Variants in THSD7B observed in about 807,000 individuals in gnomAD.
THSD7B encodes the protein thrombospondin type 1 domain containing 7B.
THSD7B carries 138 observed loss-of-function variants against 213.6 expected under a neutral mutation model. The ratio of observed to expected loss-of-function variants is 0.65; its 90% CI spans 0.56 to 0.74. The LOEUF (loss-of-function observed/expected upper bound fraction) is 0.74, where lower values mean the gene tolerates loss of function less well. Ranked by LOEUF, THSD7B falls within the 30% of genes least tolerant of loss-of-function variation. THSD7B has a pLI of 0.00. For missense variants in THSD7B, 1,931 were observed against 1,991.5 expected, an observed-to-expected ratio of 0.97 and a Z score of 0.58; for synonymous variants, 742 against 687.0, an observed-to-expected ratio of 1.08 and a Z score of -1.25.
At chr2:137,171,958 G>A (rs541815263) in intron 7 of THSD7B, among the ~76,000 whole-genome samples, 21 of 151,878 alleles carry the variant, frequency 1.4e-4, no homozygotes, top group South Asian at 4.2e-4. Context: ...ATAACAGATT[G>A]TATTAGCTAC....
intron 12 of THSD7B, among the ~76,000 whole-genome samples, chr2:137,342,594 C>A (rs1684785788): frequency 6.6e-6 from 1 of 151,570 alleles, no homozygotes; most frequent in Admixed American, 6.6e-5. Flanking sequence ...TGTTCTAAAT[C>A]TTGAGGTAAG....
intron 4 of THSD7B, among the ~76,000 whole-genome samples, chr2:137,106,022 C>A (rs1022777706): frequency 6.6e-6 from 1 of 152,158 alleles, no homozygotes; most frequent in Non-Finnish European, 1.5e-5. Context: ...CATTGACTTT[C>A]TTCACAGAAT....
chr2:136,930,416 T>TA (rs1684607173), intron 2 of THSD7B, among the ~76,000 whole-genome samples: 1 of 152,188 alleles, frequency 6.6e-6, no homozygotes, highest in African/African-American at 2.4e-5. Flanking sequence ...TAGTAGCAGA[T>TA]AAAGTTGGCT....
At chr2:137,641,331 T>G (rs1260941180) in intron 20 of THSD7B, among the ~76,000 whole-genome samples, 1 of 152,230 alleles carries the variant, frequency 6.6e-6, no homozygotes, top group Non-Finnish European at 1.5e-5. Context: ...GCACATCATG[T>G]CTGATTTACA....
chr2:136,889,880 C>T lies in THSD7B; in HGVS notation c.139+7563C>T, dbSNP rs117407337. 1.8e-4 allele frequency among the ~76,000 whole-genome samples: 27 copies of T among 152,154 alleles called. No homozygotes were observed. The East Asian group carries it at 4.7e-3, about 26-fold the overall frequency. ...TGTTTCTCTTCTTTGCCTTTATTGT[C>T]GTGTTTTCCAGAACTGCTAAACGCA... is the stretch of plus-strand genomic sequence containing the variant. On this transcript the variant is annotated intron_variant, in intron 2 of 27. Coordinates refer to ENST00000409968, the MANE Select transcript of THSD7B (RefSeq NM_001316349.2).
chr2:137,405,582 T>C, intron 12 of THSD7B, 31 bp from the exon 13 acceptor site: 1 of 1,558,254 alleles, frequency 6.4e-7, no homozygotes, highest in Non-Finnish European at 8.7e-7. Context: ...TTAATCAAAA[T>C]AATAACAAAA....
intron 7 of THSD7B, among the ~76,000 whole-genome samples, chr2:137,174,659 A>AGT (rs1277203671): frequency 6.6e-6 from 1 of 152,178 alleles, no homozygotes; most frequent in Admixed American, 6.5e-5. Flanking sequence ...ACATTATGTT[A>AGT]GTCAGTGATA....
intron 2 of THSD7B, among the ~76,000 whole-genome samples, chr2:136,893,794 G>A (rs1275844761): frequency 1.3e-5 from 2 of 152,106 alleles, no homozygotes; most frequent in Non-Finnish European, 2.9e-5. Context: ...GTAGATATTA[G>A]GGCCACAGAT....
chr2:137,260,826 T>G (rs1682426561), intron 10 of THSD7B, among the ~76,000 whole-genome samples: 1 of 152,174 alleles, frequency 6.6e-6, no homozygotes, highest in African/African-American at 2.4e-5. Flanking sequence ...GTTTCCTATA[T>G]TGTTGGAAGC....
At chr2:137,369,971 C>G (rs1212329228) in intron 12 of THSD7B, among the ~76,000 whole-genome samples, 3 of 35,044 alleles carry the variant, frequency 8.6e-5, no homozygotes, top group African/African-American at 1.4e-4. Flanking sequence ...GTTATTTTCA[C>G]AAAATTGGAA....
chr2:137,415,684 T>A (rs1686782066), intron 14 of THSD7B, among the ~76,000 whole-genome samples: 1 of 146,628 alleles, frequency 6.8e-6, no homozygotes, highest in Non-Finnish European at 1.5e-5. Context: ...TTTTTTTTTT[T>A]TTTTTCAAAG....
rs78815663 is a variant in THSD7B at position 137,054,102 on chromosome 2, G to A, written c.140-2318G>A. 3.4e-3 allele frequency among the ~76,000 whole-genome samples: 525 copies of A among 152,288 alleles called. 8 individuals are homozygous for A. The East Asian group carries it at 0.043, about 12-fold the overall frequency. Reference sequence around the variant, plus strand: ...GAAACATCTCAATTTGCAAAGTAAAGAATTGTGAGTAATCTACATTACCAG... The same window carrying A: ...GAAACATCTCAATTTGCAAAGTAAAAAATTGTGAGTAATCTACATTACCAG... On this transcript the variant is annotated intron_variant, in intron 2 of 27. Transcript: ENST00000409968.
rs772560445 is a variant in THSD7B at position 137,659,753 on chromosome 2, C to T, written c.4458+7C>T. 6.3e-7 allele frequency: 1 copy of T among 1,596,436 alleles called. No individual in the cohort carries two copies. ...TTTCTCCTACTGTACACAGGTGAGT[C>T]ATGTGCTGGAGTCTTCTATAAGTGC... On this transcript the variant is annotated splice_region_variant and intron_variant, in intron 25 of 27. Coordinates refer to ENST00000409968, the MANE Select transcript of THSD7B (RefSeq NM_001316349.2).
chr2:137,138,470 T>C (rs1446572973), intron 5 of THSD7B, among the ~76,000 whole-genome samples: 1 of 152,154 alleles, frequency 6.6e-6, no homozygotes, highest in Non-Finnish European at 1.5e-5. Context: ...TAAATTTGCA[T>C]TTCTTTGGTG....
chr2:137,606,066 G>A (rs376182859), intron 17 of THSD7B, among the ~76,000 whole-genome samples: 44 of 152,288 alleles, frequency 2.9e-4, no homozygotes, highest in African/African-American at 9.1e-4. Flanking sequence ...TTCCCAAAGT[G>A]CTGGGATTAC....
chr2:137,073,270 C>T (rs1349748162), intron 3 of THSD7B, among the ~76,000 whole-genome samples: 2 of 152,156 alleles, frequency 1.3e-5, no homozygotes, highest in African/African-American at 2.4e-5. Flanking sequence ...TAATTATTGC[C>T]TCAATTTCAG....
At chr2:137,262,453 C>T (rs931359102) in intron 10 of THSD7B, among the ~76,000 whole-genome samples, 5 of 146,566 alleles carry the variant, frequency 3.4e-5, no homozygotes, top group East Asian at 4.0e-4. Flanking sequence ...TCAGGATTTG[C>T]GGAAAAAAAA....
At chr2:136,999,995 GT>G (rs1685971369) in intron 2 of THSD7B, among the ~76,000 whole-genome samples, 1 of 152,084 alleles carries the variant, frequency 6.6e-6, no homozygotes, top group Non-Finnish European at 1.5e-5. Flanking sequence ...TCATTAGACA[GT>G]TCTACCTTAA....
intron 2 of THSD7B, among the ~76,000 whole-genome samples, chr2:136,915,389 T>C (rs1455724920): frequency 1.3e-5 from 2 of 152,190 alleles, no homozygotes; most frequent in African/African-American, 4.8e-5. Context: ...ATGATGTTTT[T>C]CCTGTGATAG....
Sources: gnomAD v4.1 joint callset for allele counts (sites outside exome capture counted in the v4.1 genomes callset) on GRCh38, gnomAD v4.1.1 for gene constraint, MANE v1.5 for transcripts, NCBI Gene and HGNC (gene_info 2026-07-23, HGNC 2026-07-21) for gene names.